The following MAF variants were observed in gnomAD, a reference collection of about 807,000 sequenced individuals.
MAF encodes MAF bZIP transcription factor.
Under a neutral mutation model 22.0 loss-of-function variants are expected in MAF, and 10 were observed. The ratio of observed to expected loss-of-function variants is 0.45; its 90% confidence interval spans 0.28 to 0.77. The LOEUF is 0.77. Among genes scored for constraint, MAF ranks in the 30% least tolerant of loss-of-function variants. The pLI, the probability that MAF is intolerant of heterozygous loss-of-function variation, is 0.12. For missense variants in MAF, 544 were observed against 548.4 expected (o/e 0.99, Z 0.08); for synonymous variants, 337 against 255.8 (o/e 1.32, Z -3.03).
At chr16:79,496,468 C>T in the MAF span, among the ~76,000 whole-genome samples, 1 of 152,168 alleles carries the variant, frequency 6.6e-6, no homozygotes, top group African/African-American at 2.4e-5. Context: ...TTTTACTGTA[C>T]TTTATTACTC....
chr16:79,338,232 G>A, the MAF span, among the ~76,000 whole-genome samples: 112 of 152,304 alleles, frequency 7.4e-4, no homozygotes, highest in African/African-American at 2.6e-3. Flanking sequence ...TGGAAGAATT[G>A]CAGGTCTTCC....
the MAF span, among the ~76,000 whole-genome samples, chr16:79,216,302 GTATAACACATATA>G: frequency 6.6e-6 from 1 of 152,042 alleles, no homozygotes; most frequent in South Asian, 2.1e-4. Flanking sequence ...CATTATAGAT[GTATAACACATATA>G]TGTGGCACAT....
the MAF span, among the ~76,000 whole-genome samples, chr16:79,389,202 T>C: frequency 6.6e-6 from 1 of 152,172 alleles, no homozygotes; most frequent in African/African-American, 2.4e-5. Context: ...TCCCCACCAC[T>C]GTGGGGATGG....
At chr16:79,392,382 GA>G in the MAF span, among the ~76,000 whole-genome samples, 1 of 150,096 alleles carries the variant, frequency 6.7e-6, no homozygotes, top group Non-Finnish European at 1.5e-5. Context: ...AGAAGGAAAG[GA>G]AAGGGAAGGA....
the MAF span, among the ~76,000 whole-genome samples, chr16:79,332,944 T>A: frequency 6.6e-6 from 1 of 152,186 alleles, no homozygotes; most frequent in Non-Finnish European, 1.5e-5. Context: ...TTAAAGTCCA[T>A]GGTGTCTTTT....
chr16:79,540,040 A>C, the MAF span, among the ~76,000 whole-genome samples: 3 of 152,070 alleles, frequency 2.0e-5, no homozygotes, highest in Non-Finnish European at 4.4e-5. Flanking sequence ...TGCTGGGAGG[A>C]GCCTCATTTG....
chr16:79,322,845 GT>G, the MAF span, among the ~76,000 whole-genome samples: 5 of 151,954 alleles, frequency 3.3e-5, no homozygotes, highest in Admixed American at 3.3e-4. Flanking sequence ...AAGGGTTCTA[GT>G]TTTTCCTTCA....
the MAF span, among the ~76,000 whole-genome samples, chr16:79,308,132 C>T: frequency 6.6e-6 from 1 of 152,196 alleles, no homozygotes; most frequent in Non-Finnish European, 1.5e-5. Flanking sequence ...AGACCCACAG[C>T]CCTGCTGACC....
chr16:79,232,972 C>T, the MAF span, among the ~76,000 whole-genome samples: 2 of 151,484 alleles, frequency 1.3e-5, no homozygotes, highest in African/African-American at 4.8e-5. Context: ...TCCCCAGCAG[C>T]TGGGACTACG....
chr16:79,412,739 A>G, the MAF span, among the ~76,000 whole-genome samples: 11 of 152,212 alleles, frequency 7.2e-5, no homozygotes, highest in African/African-American at 2.7e-4. Flanking sequence ...AGTAACATGT[A>G]TGAAAGGGCC....
chr16:79,330,074 G>A, the MAF span, among the ~76,000 whole-genome samples: 2 of 152,156 alleles, frequency 1.3e-5, no homozygotes, highest in African/African-American at 4.8e-5. Context: ...TAATCAAGTA[G>A]CAAGTCTATT....
the MAF span, among the ~76,000 whole-genome samples, chr16:79,548,832 C>G: frequency 6.6e-6 from 1 of 152,132 alleles, no homozygotes; most frequent in Non-Finnish European, 1.5e-5. Context: ...AGAAGGTAAC[C>G]TGAAGCATGG....
the MAF span, among the ~76,000 whole-genome samples, chr16:79,392,288 GGAGA>G: frequency 4.7e-5 from 7 of 148,484 alleles, no homozygotes; most frequent in Non-Finnish European, 1.0e-4. Flanking sequence ...AAGGAAGTGG[GGAGA>G]GAGAGAGTGA....
the MAF span, among the ~76,000 whole-genome samples, chr16:79,537,946 T>C: frequency 6.6e-6 from 1 of 152,204 alleles, no homozygotes; most frequent in Non-Finnish European, 1.5e-5. Context: ...CACAGACGCG[T>C]AAACTGAATC....
the MAF span, among the ~76,000 whole-genome samples, chr16:79,424,847 T>C: frequency 1.3e-5 from 2 of 152,230 alleles, no homozygotes. Flanking sequence ...ATGCAAAATA[T>C]AATATGCTCC....
chr16:79,538,199 T>C, the MAF span, among the ~76,000 whole-genome samples: 5 of 152,232 alleles, frequency 3.3e-5, no homozygotes, highest in Non-Finnish European at 7.3e-5. Flanking sequence ...AAGAGTTCTG[T>C]CCTATTTTAA....
At chr16:79,515,089 C>T in the MAF span, among the ~76,000 whole-genome samples, 1 of 152,300 alleles carries the variant, frequency 6.6e-6, no homozygotes, top group Admixed American at 6.5e-5. Flanking sequence ...AAATGTCTAC[C>T]TCATCCAGGT....
At chr16:79,390,180 G>A in the MAF span, among the ~76,000 whole-genome samples, 1 of 151,934 alleles carries the variant, frequency 6.6e-6, no homozygotes, top group African/African-American at 2.4e-5. Flanking sequence ...CGAATGGACT[G>A]GGCGAATCTG....
chr16:79,377,165 C>G, the MAF span, among the ~76,000 whole-genome samples: 1 of 152,216 alleles, frequency 6.6e-6, no homozygotes, highest in African/African-American at 2.4e-5. Flanking sequence ...TCCTATTTCT[C>G]CACATCCTCT....
Sources: allele counts gnomAD v4.1 joint callset (sites outside exome capture counted in the v4.1 genomes callset), GRCh38; gene constraint gnomAD v4.1.1; transcripts MANE v1.5; gene names NCBI Gene and HGNC (gene_info 2026-07-23, HGNC 2026-07-21).